GLB1: variants seen among roughly 807,000 people sequenced by gnomAD.
The protein encoded by GLB1 is beta-galactosidase.
In GLB1, 56 loss-of-function variants were observed where a neutral mutation model predicts 74.0. The ratio of observed to expected loss-of-function variants is 0.76; its 90% CI spans 0.61 to 0.94. The LOEUF (loss-of-function observed/expected upper bound fraction) is 0.94. Among genes scored for constraint, GLB1 ranks in the 40% least tolerant of loss-of-function variants. The pLI is 0.00. For missense variants in GLB1, 787 were observed against 845.5 expected (o/e 0.93, Z 0.86); for synonymous variants, 323 against 323.6 (o/e 1.00, Z 0.02).
intron 6 of GLB1, among the ~76,000 whole-genome samples, chr3:33,055,308 T>C (rs1218335778): frequency 6.6e-6 from 1 of 152,200 alleles, no homozygotes; most frequent in Admixed American, 6.5e-5. Context: ...CACCTTCAAT[T>C]TGTTCCTCCC....
the GLB1 span, among the ~76,000 whole-genome samples, chr3:32,962,069 T>A: frequency 6.6e-6 from 1 of 151,446 alleles, no homozygotes; most frequent in Non-Finnish European, 1.5e-5. Flanking sequence ...TGGTGCGTGC[T>A]GGTAGTCCCA....
Position 33,014,153 on chromosome 3 carries a change from T to C in GLB1, c.1637A>G (p.Tyr546Cys), listed in dbSNP as rs1362094313. Residue 546 changes from tyrosine (Y) to cysteine (C), a missense_variant, in exon 15 of 16, where the codon TAC becomes TGC. Coordinates refer to ENST00000307363, the MANE Select transcript of GLB1 (RefSeq NM_000404.4). The stretch of plus-strand genomic sequence containing the variant: ...CCCCATATAAAAGGCCGGGAGCGTG[T>C]AGTTGGATGAGTTGTGGGCCCAGGC... ...DEAWAHNSSN[Y>C]TLPAFYMGNF... The C allele has an allele frequency of 6.2e-7, 1 of 1,614,034 alleles. No homozygotes were observed. Among genetic ancestry groups the C allele is most frequent in the South Asian group, 1.1e-5 (1 of 91,056 alleles).
At chr3:33,020,259 AG>A (rs1330214785) in intron 12 of GLB1, among the ~76,000 whole-genome samples, 1 of 152,242 alleles carries the variant, frequency 6.6e-6, no homozygotes, top group Non-Finnish European at 1.5e-5. Context: ...GTGTAAAAAC[AG>A]GAACTGACAG....
Position 33,014,060 on chromosome 3 carries a change from G to T in GLB1, c.1730C>A (p.Thr577Asn), listed in dbSNP as rs754282887. The change falls in exon 15 of 16, where the codon ACC (threonine) becomes AAC (asparagine). Residue 577 changes from threonine (T) to asparagine (N), a missense_variant. By Grantham distance (65) the Thr-to-Asn change is moderately conservative. Transcript: ENST00000307363. ...CCTTCCCATGAAGACACGTACCTTG[G>T]TCCATCCAGGAAACTGGATAAAGGT... ...QDTFIQFPGW[T>N]KGQVWINGFN... 6 of 1,614,160 alleles carry T rather than the reference G, an allele frequency of 3.7e-6. No individual in the cohort carries two copies. The highest frequency in any genetic ancestry group is 5.1e-6 in the Non-Finnish European group (6 of 1,180,034).
chr3:33,095,191 A>G (rs1700961582), intron 1 of GLB1, among the ~76,000 whole-genome samples: 1 of 146,194 alleles, frequency 6.8e-6, no homozygotes, highest in Non-Finnish European at 1.5e-5. Context: ...AGCCTGGGCA[A>G]AAGAGCGAGA....
At chr3:33,043,844 G>GAAAAAAAAAAAAAAAAAAAAAAAAAAAA (rs376478014) in intron 10 of GLB1, among the ~76,000 whole-genome samples, 1 of 104,982 alleles carries the variant, frequency 9.5e-6, no homozygotes. Flanking sequence ...ACCAAAAAAA[G>GAAAAAAAAAAAAAAAAAAAAAAAAAAAA]AAAAAAAAAA....
intron 10 of GLB1, chr3:33,034,216 G>C: frequency 1.5e-6 from 1 of 649,128 alleles, no homozygotes; most frequent in Non-Finnish European, 2.8e-6. Context: ...ACTACGGCCT[G>C]ATCCTGGCCT....
chr3:33,023,062 T>C (rs1697568638), intron 11 of GLB1, among the ~76,000 whole-genome samples: 1 of 152,238 alleles, frequency 6.6e-6, no homozygotes, highest in Non-Finnish European at 1.5e-5. Context: ...ATATGCTGAT[T>C]TGCTATCTTC....
chr3:32,998,379 A>G (rs867655293), intron 15 of GLB1, among the ~76,000 whole-genome samples: 1 of 152,152 alleles, frequency 6.6e-6, no homozygotes, highest in Admixed American at 6.5e-5. Flanking sequence ...GTGGTGGCAC[A>G]TGCCTGTAAT....
At chr3:33,055,959 G>A (rs6772595) in intron 6 of GLB1, among the ~76,000 whole-genome samples, 8,957 of 151,700 alleles carry the variant, frequency 0.059, 846 homozygotes, top group African/African-American at 0.2. Flanking sequence ...CGGGCGCGGT[G>A]GCTCACGCCT....
chr3:32,978,979 CTTTT>C, the GLB1 span, among the ~76,000 whole-genome samples: 1 of 111,696 alleles, frequency 9.0e-6, no homozygotes, highest in Non-Finnish European at 1.9e-5. Context: ...TTCTTTCTTT[CTTTT>C]TTTTTTTTCT....
chr3:32,964,245 TG>T, the GLB1 span, among the ~76,000 whole-genome samples: 1 of 152,196 alleles, frequency 6.6e-6, no homozygotes, highest in African/African-American at 2.4e-5. Flanking sequence ...TCCTCCTAAT[TG>T]TTTTGATGTC....
At chr3:33,030,756 T>C in intron 10 of GLB1, 1 of 985,458 alleles carries the variant, frequency 1.0e-6, no homozygotes, top group Non-Finnish European at 1.2e-6. Context: ...ACTTGATTAA[T>C]TTCTACAGTG....
At chr3:33,002,782 T>C (rs1696632333) in intron 15 of GLB1, among the ~76,000 whole-genome samples, 1 of 152,042 alleles carries the variant, frequency 6.6e-6, no homozygotes, top group Middle Eastern at 3.2e-3. Context: ...AACAATAAGC[T>C]CAGGGTGAAT....
chr3:33,065,641 C>T (rs1699640881), intron 4 of GLB1, 84 bp from the exon 5 acceptor site: 2 of 1,469,752 alleles, frequency 1.4e-6, no homozygotes, highest in African/African-American at 2.8e-5. Context: ...TTGAATGTGG[C>T]CCAACACAAA....
chr3:33,074,389 G>GAAGAAAGAAAGAAAAAGAAAGA lies in GLB1; in HGVS notation c.76-1677_76-1676insTCTTTCTTTTTCTTTCTTTCTT, dbSNP rs1559412995. 2.4e-3 allele frequency among the ~76,000 whole-genome samples: 94 copies of GAAGAAAGAAAGAAAAAGAAAGA among 38,898 alleles called. 12 individuals are homozygous for GAAGAAAGAAAGAAAAAGAAAGA. The South Asian group carries it at 0.032, about 13-fold the overall frequency. 25.5% of individuals were successfully genotyped at this position (38,898 alleles called of 152,430 possible). ...GGAAGGAAGGAAGGAAGGAAGGAAG[G>GAAGAAAGAAAGAAAAAGAAAGA]AAGAAAGAAAGAAAGAAAGAATATT... is the stretch of plus-strand genomic sequence containing the variant. On this transcript the variant is annotated intron_variant, in intron 1 of 15. Transcript: ENST00000307363.
chr3:33,072,708 GGCA>G lies in GLB1; in HGVS notation c.78_80del (p.Ala27del), dbSNP rs1559411920. The G allele has an allele frequency of 6.2e-7, 1 of 1,614,124 alleles. No individual in the cohort carries two copies. ...AGTCAATTTCAAACATCCTCTGGGT[GGCA>G]TTCTACAGAGCAAGGATGGGGTCAC... On this transcript the variant is annotated inframe_deletion and splice_region_variant, in exon 2 of 16. Coordinates refer to ENST00000307363, the MANE Select transcript of GLB1 (RefSeq NM_000404.4).
intron 2 of GLB1, 134 bp downstream of exon 2, chr3:33,072,410 C>G: frequency 7.2e-7 from 1 of 1,381,792 alleles, no homozygotes; most frequent in Non-Finnish European, 9.9e-7. Context: ...TCATGACAAG[C>G]CCCTCCCAGA....
intron 1 of GLB1, among the ~76,000 whole-genome samples, chr3:33,084,636 C>G (rs1488826225): frequency 6.6e-6 from 1 of 152,158 alleles, no homozygotes; most frequent in Non-Finnish European, 1.5e-5. Context: ...GACTGATTCC[C>G]AATCCTCACG....
Sources: gnomAD v4.1 joint callset for allele counts (sites outside exome capture counted in the v4.1 genomes callset) on GRCh38, gnomAD v4.1.1 for gene constraint, MANE v1.5 for transcripts, NCBI Gene and HGNC (gene_info 2026-07-23, HGNC 2026-07-21) for gene names.